SS18L1: variants seen among roughly 807,000 people sequenced by gnomAD.
The protein encoded by SS18L1 is SS18L1 subunit of BAF chromatin remodeling complex, also known as calcium-responsive transactivator.
Under a neutral mutation model 70.3 loss-of-function variants are expected in SS18L1, and 32 were observed. The ratio of observed to expected loss-of-function variants is 0.46; its 90% confidence interval spans 0.34 to 0.61. The LOEUF (loss-of-function observed/expected upper bound fraction) is 0.61, where lower values mean the gene tolerates loss of function less well. Among genes scored for constraint, SS18L1 ranks in the 20% least tolerant of loss-of-function variants. SS18L1 has a pLI of 0.01. For missense variants in SS18L1, 430 were observed against 542.1 expected (o/e 0.79, Z 2.05); for synonymous variants, 237 against 229.7 (o/e 1.03, Z -0.29).
chr20:62,155,205 A>G (rs932345536), intron 1 of SS18L1, among the ~76,000 whole-genome samples: 8 of 152,172 alleles, frequency 5.3e-5, no homozygotes, highest in African/African-American at 1.9e-4. Context: ...GATCGAGACC[A>G]GCCTGGGCAA....
intron 1 of SS18L1, among the ~76,000 whole-genome samples, chr20:62,146,354 C>G (rs994954468): frequency 6.6e-6 from 1 of 152,234 alleles, no homozygotes; most frequent in Non-Finnish European, 1.5e-5. Flanking sequence ...GCTGGATCAT[C>G]TGTGACGCTG....
chr20:62,144,787 G>A (rs1168877834), intron 1 of SS18L1, among the ~76,000 whole-genome samples: 1 of 152,242 alleles, frequency 6.6e-6, no homozygotes, highest in Non-Finnish European at 1.5e-5. Context: ...ATCAGCATTA[G>A]CCATACCCGT....
Position 62,179,368 on chromosome 20 carries a change from A to C in SS18L1, c.*160A>C. 1.3e-6 allele frequency: 1 copy of C among 749,250 alleles called. No homozygotes were observed. The highest frequency in any genetic ancestry group is 2.3e-6 in the Non-Finnish European group (1 of 435,844). 46.4% of individuals were successfully genotyped at this position (749,250 alleles called of 1,614,324 possible). A position where few individuals can be genotyped will look rare whatever the true frequency, so the allele number is the denominator to read the frequency against. ...TCATTTCATGCTGGGTATGACGCCGAGCGCACACCACTGGCGTGAGACAGC... is the reference window on the plus strand; with the variant it reads ...TCATTTCATGCTGGGTATGACGCCGCGCGCACACCACTGGCGTGAGACAGC... On this transcript the variant is annotated 3_prime_UTR_variant, in exon 11 of 11. Coordinates refer to ENST00000331758, the MANE Select transcript of SS18L1 (RefSeq NM_198935.3).
At position 62,150,633 on chromosome 20, in the gene SS18L1, A is replaced by AATTTT. The variant is rs1199902967; in HGVS notation, c.69+6744_69+6745insATTTT. On this transcript the variant is annotated intron_variant, in intron 1 of 10. Coordinates refer to ENST00000331758, the MANE Select transcript of SS18L1 (RefSeq NM_198935.3). ...CGGAGCATAAGAAACATTGAGGTGG[A>AATTTT]TTTTTTTTTTTTTTTTTTTTTTTTT... 3.0e-3 allele frequency among the ~76,000 whole-genome samples: 173 copies of AATTTT among 58,056 alleles called. 6 individuals are homozygous for AATTTT. The highest frequency in any genetic ancestry group is 4.8e-3 in the Non-Finnish European group (136 of 28,250). The allele number at this position is 58,056 out of a possible 152,430, so 38.1% of individuals were successfully genotyped here. A position where few individuals can be genotyped will look rare whatever the true frequency, so the allele number is the denominator to read the frequency against.
chr20:62,174,683 G>T lies in SS18L1; in HGVS notation c.1164+39G>T. On this transcript the variant is annotated intron_variant, in intron 10 of 10. Coordinates refer to ENST00000331758, the MANE Select transcript of SS18L1 (RefSeq NM_198935.3). The surrounding 1 kb of genome is among the most constrained non-coding windows in gnomAD (Gnocchi z 4.1). The stretch of plus-strand genomic sequence containing the variant: ...ATGTTTCCAGATGTGCCCATCCGCC[G>T]CGCCTGTCGAGACATAATGAAGATT... 2 of 1,612,940 alleles carry T rather than the reference G, an allele frequency of 1.2e-6. No homozygotes were observed. Among genetic ancestry groups the T allele is most frequent in the Non-Finnish European group, 1.7e-6 (2 of 1,179,916 alleles).
chr20:62,178,671 C>G (rs1302359866), intron 10 of SS18L1, among the ~76,000 whole-genome samples: 1 of 152,244 alleles, frequency 6.6e-6, no homozygotes, highest in Admixed American at 6.5e-5. Flanking sequence ...CCTCACCCTC[C>G]AAGTATCTGG....
chr20:62,144,362 T>C (rs1384429101), intron 1 of SS18L1, among the ~76,000 whole-genome samples: 1 of 152,068 alleles, frequency 6.6e-6, no homozygotes, highest in East Asian at 1.9e-4. Context: ...TTTTGGTTAG[T>C]GGTGAGGGGC....
At chr20:62,162,962 G>C (rs761940228) in intron 5 of SS18L1, 31 bp downstream of exon 5, 1 of 1,603,890 alleles carries the variant, frequency 6.2e-7, no homozygotes, top group East Asian at 2.3e-5. Context: ...ACCCCGGGGG[G>C]CCTGGGCCTG....
rs748554878 is a variant in SS18L1, at chr20:62,163,549, G to A, written c.648G>A (p.Met216Ile). 8 of 1,611,082 alleles carry A rather than the reference G, an allele frequency of 5.0e-6. No individual in the cohort carries two copies. The highest frequency in any genetic ancestry group is 2.2e-5 in the East Asian group (1 of 44,880). Reference sequence around the variant, plus strand: ...ACCAGGGCCAGTCGTCCATCGCCATGATGGGGCAGGGCAGCCAGGGGAGCA... The same window carrying A: ...ACCAGGGCCAGTCGTCCATCGCCATAATGGGGCAGGGCAGCCAGGGGAGCA... ...QHYQGQSSIA[M>I]MGQGSQGSSM... The change falls in exon 6 of 11, where the codon ATG becomes ATA. Residue 216 changes from methionine to isoleucine, a missense_variant. Met to Ile is a conservative substitution (Grantham distance 10). Transcript: ENST00000331758.
chr20:62,165,505 T>C lies in SS18L1; in HGVS notation c.907T>C (p.Tyr303His). 2 of 1,611,842 alleles carry C rather than the reference T, an allele frequency of 1.2e-6. No homozygotes were observed. Among genetic ancestry groups the C allele is most frequent in the Non-Finnish European group, 1.7e-6 (2 of 1,179,358 alleles). The part of the protein sequence containing the change: ...RSFEESTQHY[Y>H]EGGNSQYSQQ... The stretch of plus-strand genomic sequence containing the variant: ...CTTCGAGGAGTCCACGCAGCACTAC[T>C]ATGAGGGGGGTAAGGAGCACGGCTG... The change falls in exon 8 of 11, where the codon TAT becomes CAT. Residue 303 changes from tyrosine to histidine, a missense_variant. Transcript: ENST00000331758.
chr20:62,172,711 G>A lies in SS18L1; in HGVS notation c.946G>A (p.Gly316Arg), dbSNP rs759119414. 5.6e-6 allele frequency: 9 copies of A among 1,613,924 alleles called. No individual in the cohort carries two copies. Among genetic ancestry groups the A allele is most frequent in the East Asian group, 2.2e-5 (1 of 44,886 alleles). Residue 316 changes from glycine (G) to arginine (R), a missense_variant, in exon 9 of 11, where the codon GGG becomes AGG. Physicochemically the swap from Gly to Arg is moderately radical, Grantham distance 125 (BLOSUM62 -2). Transcript: ENST00000331758. Reference sequence around the variant, plus strand: ...CTCCCAGTACAGCCAGCAGCAGGCCGGGTACCAGCAGGGTGCCGCGCAGCA... The same window carrying A: ...CTCCCAGTACAGCCAGCAGCAGGCCAGGTACCAGCAGGGTGCCGCGCAGCA... ...GNSQYSQQQAGYQQGAAQQQT... is the reference protein window; with the variant it reads ...GNSQYSQQQARYQQGAAQQQT...
At chr20:62,144,126 C>T (rs2056976026) in intron 1 of SS18L1, among the ~76,000 whole-genome samples, 1 of 150,426 alleles carries the variant, frequency 6.6e-6, no homozygotes, top group Admixed American at 6.6e-5. Context: ...TGTTGGGGCG[C>T]GCGGGTCCCT....
At chr20:62,145,177 G>A (rs988688145) in intron 1 of SS18L1, among the ~76,000 whole-genome samples, 7 of 152,228 alleles carry the variant, frequency 4.6e-5, no homozygotes, top group African/African-American at 1.7e-4. Context: ...GGCGCTTACC[G>A]TATCCCAGAC....
intron 7 of SS18L1, among the ~76,000 whole-genome samples, chr20:62,164,541 G>A (rs888302625): frequency 7.2e-5 from 11 of 152,218 alleles, no homozygotes; most frequent in Admixed American, 1.3e-4. Flanking sequence ...AGTTGGAGGC[G>A]GATAATTGTA....
rs563962945 is a variant in SS18L1, at chr20:62,181,916, C to T, written c.*2708C>T. The T allele has an allele frequency of 4.4e-6, 1 of 228,370 alleles. No homozygotes were observed. The highest frequency in any genetic ancestry group is 8.7e-6 in the Non-Finnish European group (1 of 115,192). The allele number at this position is 228,370 out of a possible 1,614,324, so 14.1% of individuals were successfully genotyped here. On this transcript the variant is annotated 3_prime_UTR_variant, in exon 11 of 11. Transcript: ENST00000331758. The stretch of plus-strand genomic sequence containing the variant: ...TGAAAATTGACGCTCATTCTTCTTC[C>T]TATTGTTCCCTGACATCCAGCAAAT...
chr20:62,172,581 G>A, intron 8 of SS18L1, 101 bp from the exon 9 acceptor site: 1 of 1,556,170 alleles, frequency 6.4e-7, no homozygotes, highest in South Asian at 1.1e-5. Flanking sequence ...CAATGGATTT[G>A]GTTTTGGGAT....
intron 10 of SS18L1, among the ~76,000 whole-genome samples, chr20:62,176,696 G>C (rs909089150): frequency 2.0e-5 from 3 of 151,948 alleles, no homozygotes; most frequent in Non-Finnish European, 4.4e-5. Context: ...CCAGCTATTG[G>C]GGAAGCTGAG....
intron 8 of SS18L1, 32 bp downstream of exon 8, chr20:62,165,546 C>A: frequency 1.9e-6 from 3 of 1,585,732 alleles, no homozygotes; most frequent in African/African-American, 2.7e-5. Context: ...TGGGCTCGAG[C>A]GTAAGCGCCA....
chr20:62,165,908 C>G (rs1200184080), intron 8 of SS18L1, among the ~76,000 whole-genome samples: 12 of 152,254 alleles, frequency 7.9e-5, no homozygotes, highest in Non-Finnish European at 1.8e-4. Context: ...AGAGCTTCCT[C>G]AGCTGGAGGC....
Sources: gnomAD v4.1 joint callset for allele counts (sites outside exome capture counted in the v4.1 genomes callset) on GRCh38, gnomAD v4.1.1 for gene constraint, Gnocchi (gnomAD v3.1) non-coding constraint, MANE v1.5 for transcripts, NCBI Gene and HGNC (gene_info 2026-07-23, HGNC 2026-07-21) for gene names.